The following ARHGAP22 variants were observed in gnomAD, a reference collection of about 807,000 sequenced individuals.
ARHGAP22 encodes the protein Rho GTPase activating protein 22.
ARHGAP22 carries 48 observed loss-of-function variants against 59.1 expected under a neutral mutation model. The ratio of observed to expected loss-of-function variants is 0.81; its 90% CI spans 0.64 to 1.03. ARHGAP22 has a LOEUF of 1.03. ARHGAP22 is among the 50% of genes least tolerant of loss of function. The pLI is 0.00. For synonymous variants in ARHGAP22, 445 were observed against 416.4 expected, an observed-to-expected ratio of 1.07 and a Z score of -0.84; for missense variants, 1,015 against 958.7, an observed-to-expected ratio of 1.06 and a Z score of -0.78.
chr10:48,559,413 T>C (rs1235775276), intron 2 of ARHGAP22, among the ~76,000 whole-genome samples: 3 of 152,210 alleles, frequency 2.0e-5, no homozygotes, highest in Admixed American at 2.0e-4. Flanking sequence ...AATGCATCTC[T>C]AGCGCCATAC....
chr10:48,432,993 A>G, the ARHGAP22 span, among the ~76,000 whole-genome samples: 1 of 152,184 alleles, frequency 6.6e-6, no homozygotes, highest in Non-Finnish European at 1.5e-5. Flanking sequence ...CTTGATTTTT[A>G]AAAGGAATTT....
At chr10:48,460,208 T>C (rs1210508045) in intron 4 of ARHGAP22, among the ~76,000 whole-genome samples, 1 of 152,218 alleles carries the variant, frequency 6.6e-6, no homozygotes, top group African/African-American at 2.4e-5. Flanking sequence ...TCATTATGCC[T>C]GTCATTGATT....
At chr10:48,458,935 C>T (rs561508199) in intron 5 of ARHGAP22, among the ~76,000 whole-genome samples, 2 of 152,134 alleles carry the variant, frequency 1.3e-5, no homozygotes, top group Admixed American at 1.3e-4. Context: ...GTTCTGCCCC[C>T]AGAGGAGAAG....
intron 2 of ARHGAP22, among the ~76,000 whole-genome samples, chr10:48,556,046 G>A (rs115394587): frequency 9.9e-4 from 150 of 152,276 alleles, no homozygotes; most frequent in African/African-American, 3.6e-3. Flanking sequence ...CCATGTACAT[G>A]GTACCCCACT....
At chr10:48,655,927 G>T (rs1366476715), upstream of ARHGAP22, 1 of 152,410 alleles carries the variant, frequency 6.6e-6, no homozygotes, top group African/African-American at 2.4e-5. Context: ...CGTCCCTCGG[G>T]CGTGGCAGTG....
At chr10:48,447,236 C>T (rs182618615) in intron 9 of ARHGAP22, among the ~76,000 whole-genome samples, 1 of 152,382 alleles carries the variant, frequency 6.6e-6, no homozygotes, top group East Asian at 1.9e-4. Flanking sequence ...CAGGCTCATG[C>T]TGCAGTGTGC....
exon 1 of ARHGAP22, chr10:48,652,516 T>C: frequency 1.7e-6 from 1 of 572,932 alleles, no homozygotes; most frequent in East Asian, 2.8e-5. Context: ...GATCTTGGAA[T>C]GGCCTTGAGA....
chr10:48,589,800 G>A (rs1299437436), intron 1 of ARHGAP22, among the ~76,000 whole-genome samples: 6 of 152,056 alleles, frequency 3.9e-5, no homozygotes, highest in Admixed American at 3.9e-4. Context: ...CTCCAAAATA[G>A]ATATGCAGCT....
intron 3 of ARHGAP22, among the ~76,000 whole-genome samples, chr10:48,497,885 A>AG (rs1434671902): frequency 6.6e-6 from 1 of 152,182 alleles, no homozygotes; most frequent in Non-Finnish European, 1.5e-5. Flanking sequence ...GGGTAGGAGA[A>AG]GGGGGCCATT....
chr10:48,643,881 C>T (rs961326636), intron 1 of ARHGAP22, among the ~76,000 whole-genome samples: 1 of 152,012 alleles, frequency 6.6e-6, no homozygotes, highest in Non-Finnish European at 1.5e-5. Flanking sequence ...GGCGTGGTGG[C>T]TCACGCCTGT....
chr10:48,617,333 C>G (rs1268977016), intron 1 of ARHGAP22, among the ~76,000 whole-genome samples: 1 of 152,000 alleles, frequency 6.6e-6, no homozygotes, highest in African/African-American at 2.4e-5. Context: ...TGAACTTAAA[C>G]TGCACTTTAG....
chr10:48,448,068 A>G (rs2045540524), intron 9 of ARHGAP22, among the ~76,000 whole-genome samples: 1 of 151,992 alleles, frequency 6.6e-6, no homozygotes. Flanking sequence ...TGCACCTGTC[A>G]AAGTGCCCAA....
intron 1 of ARHGAP22, among the ~76,000 whole-genome samples, chr10:48,583,405 A>G (rs1215401495): frequency 6.6e-6 from 1 of 152,126 alleles, no homozygotes; most frequent in East Asian, 1.9e-4. Context: ...TGTCTCTGGG[A>G]TCCTAGGTTC....
intron 1 of ARHGAP22, among the ~76,000 whole-genome samples, chr10:48,595,960 C>T (rs2060041887): frequency 6.6e-6 from 1 of 152,222 alleles, no homozygotes; most frequent in Non-Finnish European, 1.5e-5. Flanking sequence ...CACAGCCTAT[C>T]CATTCCTGCC....
intron 3 of ARHGAP22, among the ~76,000 whole-genome samples, chr10:48,505,940 C>T (rs746267817): frequency 1.4e-4 from 22 of 152,238 alleles, no homozygotes; most frequent in Non-Finnish European, 3.1e-4. Flanking sequence ...GTTCTGCCCC[C>T]TCTCTGGCTA....
chr10:48,526,375 G>A (rs1255011704), intron 3 of ARHGAP22, among the ~76,000 whole-genome samples: 1 of 152,328 alleles, frequency 6.6e-6, no homozygotes, highest in East Asian at 1.9e-4. Context: ...GAGGCTTCGG[G>A]GAGAGAGAAG....
chr10:48,605,881 C>T (rs950344974), upstream of ARHGAP22, among the ~76,000 whole-genome samples: 1 of 152,128 alleles, frequency 6.6e-6, no homozygotes, highest in African/African-American at 2.4e-5. Flanking sequence ...CAGTACCGAG[C>T]AGCAGGGCGG....
chr10:48,499,106 G>T (rs979191341), intron 3 of ARHGAP22, among the ~76,000 whole-genome samples: 3 of 150,634 alleles, frequency 2.0e-5, no homozygotes, highest in African/African-American at 7.5e-5. Context: ...TGAAGGGGCA[G>T]GGGGAGGCCA....
chr10:48,637,409 G>A (rs978597252), intron 1 of ARHGAP22, among the ~76,000 whole-genome samples: 12 of 152,134 alleles, frequency 7.9e-5, no homozygotes, highest in African/African-American at 2.9e-4. Flanking sequence ...GTGAATGAGT[G>A]GGTGGATGGG....
Sources: gnomAD v4.1 joint callset for allele counts (sites outside exome capture counted in the v4.1 genomes callset) on GRCh38, gnomAD v4.1.1 for gene constraint, MANE v1.5 for transcripts, NCBI Gene and HGNC (gene_info 2026-07-23, HGNC 2026-07-21) for gene names.